The following SNAP91 variants were observed in gnomAD, a reference collection of about 807,000 sequenced individuals.
SNAP91 encodes clathrin coat assembly protein AP180.
A neutral mutation model predicts 100.3 loss-of-function variants in SNAP91; 27 were observed. The observed-to-expected ratio is 0.27, with a 90% confidence interval of 0.20 to 0.37. The LOEUF (loss-of-function observed/expected upper bound fraction) is 0.37. Ranked by LOEUF, SNAP91 falls within the 10% of genes least tolerant of loss-of-function variation. SNAP91 has a pLI of 1.00. For missense variants in SNAP91, 986 were observed against 1,123.7 expected, an observed-to-expected ratio of 0.88 and a Z score of 1.75; for synonymous variants, 404 against 398.6, an observed-to-expected ratio of 1.01 and a Z score of -0.16.
At chr6:83,702,161 C>T (rs1487261247) in intron 2 of SNAP91, among the ~76,000 whole-genome samples, 4 of 152,166 alleles carry the variant, frequency 2.6e-5, no homozygotes, top group African/African-American at 7.2e-5. Context: ...TTTTTAATGG[C>T]AAGGAATTTG....
intron 9 of SNAP91, among the ~76,000 whole-genome samples, chr6:83,617,291 T>C (rs2096537150): frequency 6.6e-6 from 1 of 152,176 alleles, no homozygotes; most frequent in East Asian, 1.9e-4. Flanking sequence ...AGAGATTACA[T>C]TGGATAGACT....
chr6:83,707,436 T>C (rs560338919), intron 2 of SNAP91, among the ~76,000 whole-genome samples: 21 of 151,670 alleles, frequency 1.4e-4, no homozygotes, highest in Non-Finnish European at 2.5e-4. Flanking sequence ...TAATTTCCTC[T>C]AATTTGGAGA....
chr6:83,556,668 AAAAC>A (rs779889011), intron 28 of SNAP91, among the ~76,000 whole-genome samples: 51 of 152,208 alleles, frequency 3.4e-4, no homozygotes, highest in Non-Finnish European at 6.3e-4. Flanking sequence ...AACAAACAGT[AAAAC>A]AAACAAACAA....
chr6:83,682,576 A>G (rs574295922), intron 2 of SNAP91, among the ~76,000 whole-genome samples: 2 of 151,310 alleles, frequency 1.3e-5, no homozygotes, highest in African/African-American at 2.4e-5. Flanking sequence ...TATTTTTTTA[A>G]ATTTTTTTAT....
chr6:83,702,628 T>A lies in SNAP91; in HGVS notation c.130+5170A>T, dbSNP rs115579024. 5.0e-3 allele frequency among the ~76,000 whole-genome samples: 759 copies of A among 151,858 alleles called. 7 individuals carry two copies. Among genetic ancestry groups the A allele is most frequent in the African/African-American group, 0.018 (728 of 41,410 alleles). On this transcript the variant is annotated intron_variant, in intron 2 of 29. Coordinates refer to ENST00000369694, the MANE Select transcript of SNAP91 (RefSeq NM_001242792.2). ...TTTCCATATCAACATTTTAAATCAC[T>A]AAAACAACTTTTTAAAAATCAAATT...
chr6:83,645,989 T>C (rs897027847), intron 7 of SNAP91, among the ~76,000 whole-genome samples: 1 of 152,094 alleles, frequency 6.6e-6, no homozygotes, highest in Non-Finnish European at 1.5e-5. Flanking sequence ...TGGATTGATA[T>C]TGCATTTCCT....
intron 17 of SNAP91, 105 bp from the exon 18 acceptor site, chr6:83,593,846 T>C: frequency 1.4e-6 from 2 of 1,440,714 alleles, no homozygotes; most frequent in Non-Finnish European, 9.1e-7. Context: ...ATTTACACAC[T>C]AGCTAGGTGT....
chr6:83,637,158 G>C (rs1197005360), intron 8 of SNAP91, among the ~76,000 whole-genome samples: 1 of 152,240 alleles, frequency 6.6e-6, no homozygotes, highest in Non-Finnish European at 1.5e-5. Context: ...CAGGGGCCAA[G>C]AGATAAGTCT....
intron 12 of SNAP91, among the ~76,000 whole-genome samples, chr6:83,610,434 G>A (rs1305262521): frequency 6.6e-6 from 1 of 151,222 alleles, no homozygotes; most frequent in Non-Finnish European, 1.5e-5. Flanking sequence ...GTAGAATGGT[G>A]GTTGCCAGGG....
intron 5 of SNAP91, among the ~76,000 whole-genome samples, chr6:83,660,753 T>G (rs530394524): frequency 1.6e-4 from 24 of 151,672 alleles, no homozygotes; most frequent in Non-Finnish European, 3.4e-4. Context: ...AAAAAAAATA[T>G]TTATATAGCT....
chr6:83,666,139 C>T (rs144006297), intron 2 of SNAP91, among the ~76,000 whole-genome samples: 68 of 152,216 alleles, frequency 4.5e-4, no homozygotes, highest in Middle Eastern at 3.4e-3. Flanking sequence ...TGTAGAACAA[C>T]ATGCATGCAT....
intron 26 of SNAP91, among the ~76,000 whole-genome samples, chr6:83,562,845 T>C (rs1790224749): frequency 6.6e-6 from 1 of 152,206 alleles, no homozygotes; most frequent in Admixed American, 6.5e-5. Context: ...TCTCTTTTGC[T>C]CCTACCCACT....
chr6:83,583,328 C>T (rs1562209288), intron 22 of SNAP91, among the ~76,000 whole-genome samples: 1 of 152,164 alleles, frequency 6.6e-6, no homozygotes, highest in Admixed American at 6.5e-5. Context: ...GGAACTGTGT[C>T]TTCTTTTCAT....
intron 22 of SNAP91, among the ~76,000 whole-genome samples, chr6:83,585,312 C>T (rs972083155): frequency 6.6e-6 from 1 of 151,972 alleles, no homozygotes; most frequent in Non-Finnish European, 1.5e-5. Context: ...AGTTTGAGAC[C>T]AGCTTGGTCA....
At chr6:83,593,836 A>G (rs2094137188) in intron 17 of SNAP91, 95 bp from the exon 18 acceptor site, 1 of 1,477,626 alleles carries the variant, frequency 6.8e-7, no homozygotes, top group Non-Finnish European at 8.9e-7. Context: ...TTATACAGAT[A>G]TTTACACACT....
At chr6:83,642,054 G>A (rs923671935) in intron 7 of SNAP91, among the ~76,000 whole-genome samples, 1 of 152,162 alleles carries the variant, frequency 6.6e-6, no homozygotes, top group Non-Finnish European at 1.5e-5. Flanking sequence ...AGACACAGCA[G>A]GCCATGTCTG....
chr6:83,637,676 C>A (rs938732196), intron 8 of SNAP91, among the ~76,000 whole-genome samples: 5 of 152,182 alleles, frequency 3.3e-5, no homozygotes, highest in African/African-American at 4.8e-5. Context: ...GGCTTTCAGG[C>A]GGCACCCTTC....
chr6:83,591,273 G>C lies in SNAP91; in HGVS notation c.1952C>G (p.Ser651Cys). The C allele has an allele frequency of 6.2e-7, 1 of 1,612,716 alleles. No homozygotes were observed. The highest frequency in any genetic ancestry group is 1.1e-5 in the South Asian group (1 of 90,998). Reference sequence around the variant, plus strand: ...AGCCTGAGATGCAGGTTGGGGTTCAGAAGCACTACTTCCAAATGCATCTAT... The same window carrying C: ...AGCCTGAGATGCAGGTTGGGGTTCACAAGCACTACTTCCAAATGCATCTAT... ...LFGDAFGSSA[S>C]EPQPASQAAS... The change falls in exon 22 of 30, where the codon TCT becomes TGT. Residue 651 changes from serine (S) to cysteine (C), a missense_variant. This residue lies in a region of SNAP91 where 575 missense variants were observed against 579.9 expected (regional missense o/e 0.99). Transcript: ENST00000369694.
chr6:83,601,653 A>G lies in SNAP91; in HGVS notation c.1142-54T>C, dbSNP rs2095242222. On this transcript the variant is annotated intron_variant, in intron 14 of 29. Coordinates refer to ENST00000369694, the MANE Select transcript of SNAP91 (RefSeq NM_001242792.2). The stretch of plus-strand genomic sequence containing the variant: ...AGAATAAATAAGAGCTAAAGTTGAA[A>G]CATGCAACCATACCAATGTCCAAGC... 3.2e-6 allele frequency: 5 copies of G among 1,563,856 alleles called. No homozygotes were observed. In the South Asian group the frequency reaches 3.3e-5, roughly 10 times the overall value.
Sources: allele counts gnomAD v4.1 joint callset (sites outside exome capture counted in the v4.1 genomes callset), GRCh38; gene constraint gnomAD v4.1.1; regional missense constraint gnomAD v4.1.1; transcripts MANE v1.5; gene names NCBI Gene and HGNC (gene_info 2026-07-23, HGNC 2026-07-21).